PHACTR1: variants seen among roughly 807,000 people sequenced by gnomAD.
The protein encoded by PHACTR1 is phosphatase and actin regulator 1.
A neutral mutation model predicts 69.2 loss-of-function variants in PHACTR1; 16 were observed. The ratio of observed to expected loss-of-function variants is 0.23; its 90% confidence interval spans 0.16 to 0.35. The LOEUF is 0.35. PHACTR1 is among the 10% of genes least tolerant of loss of function. The pLI, the probability that PHACTR1 is intolerant of heterozygous loss-of-function variation, is 1.00. For synonymous variants in PHACTR1, 312 were observed against 284.5 expected, an observed-to-expected ratio of 1.10 and a Z score of -0.97; for missense variants, 510 against 734.7, an observed-to-expected ratio of 0.69 and a Z score of 3.54.
intron 6 of PHACTR1, among the ~76,000 whole-genome samples, chr6:13,175,305 C>T (rs965957189): frequency 2.6e-5 from 4 of 152,128 alleles, no homozygotes; most frequent in East Asian, 1.9e-4. Context: ...TGGGTGGGGG[C>T]GCTTTTTCTC....
At chr6:13,194,653 A>T (rs1252157023) in intron 7 of PHACTR1, among the ~76,000 whole-genome samples, 1 of 152,202 alleles carries the variant, frequency 6.6e-6, no homozygotes, top group South Asian at 2.1e-4. Context: ...AGAAGATTTT[A>T]AATGTTTTCA....
intron 4 of PHACTR1, among the ~76,000 whole-genome samples, chr6:12,760,069 G>A (rs1767857192): frequency 6.6e-6 from 1 of 152,232 alleles, no homozygotes; most frequent in Admixed American, 6.5e-5. Flanking sequence ...CACATAGTGA[G>A]TGTTTGTTAG....
chr6:12,790,713 TAAGGA>T (rs1248441942), intron 4 of PHACTR1, among the ~76,000 whole-genome samples: 1 of 152,158 alleles, frequency 6.6e-6, no homozygotes, highest in African/African-American at 2.4e-5. Context: ...CAGAGAATCT[TAAGGA>T]AAGTGAAGAA....
chr6:13,052,211 C>T (rs1305814661), intron 4 of PHACTR1, among the ~76,000 whole-genome samples: 1 of 152,218 alleles, frequency 6.6e-6, no homozygotes, highest in African/African-American at 2.4e-5. Flanking sequence ...ACATCTGTCA[C>T]CAATACAACT....
intron 10 of PHACTR1, among the ~76,000 whole-genome samples, chr6:13,231,147 G>GAAGGAAAGAGAAAGA (rs1770995208): frequency 7.0e-6 from 1 of 142,104 alleles, no homozygotes; most frequent in Non-Finnish European, 1.5e-5. Flanking sequence ...GAGAAAGAAA[G>GAAGGAAAGAGAAAGA]AAGGAAAGAG....
chr6:13,224,208 C>T (rs1769181900), intron 8 of PHACTR1, among the ~76,000 whole-genome samples: 1 of 152,212 alleles, frequency 6.6e-6, no homozygotes, highest in South Asian at 2.1e-4. Context: ...AAGGAGCCTA[C>T]AGCCTTGGGT....
At chr6:12,872,312 AT>A (rs1378838338) in intron 4 of PHACTR1, among the ~76,000 whole-genome samples, 2 of 152,228 alleles carry the variant, frequency 1.3e-5, no homozygotes, top group African/African-American at 4.8e-5. Flanking sequence ...ATGAAAAAAA[AT>A]AAACTTGGAA....
intron 10 of PHACTR1, chr6:13,230,483 T>C: frequency 7.1e-6 from 3 of 421,826 alleles, no homozygotes; most frequent in Non-Finnish European, 1.2e-5. Flanking sequence ...GAGGTGTAGG[T>C]TCCAGTGAGC....
chr6:13,047,531 A>C (rs769857036), intron 4 of PHACTR1, among the ~76,000 whole-genome samples: 2 of 152,096 alleles, frequency 1.3e-5, no homozygotes, highest in Non-Finnish European at 2.9e-5. Context: ...GCAAAAGCGA[A>C]GGTTATCAGA....
intron 4 of PHACTR1, among the ~76,000 whole-genome samples, chr6:13,019,079 TTC>T: frequency 6.7e-6 from 1 of 149,460 alleles, no homozygotes; most frequent in Non-Finnish European, 1.5e-5. Context: ...TATATATTTT[TTC>T]TTTTTCTTTT....
intron 4 of PHACTR1, among the ~76,000 whole-genome samples, chr6:12,975,377 G>T (rs1217887967): frequency 2.6e-5 from 4 of 152,076 alleles, no homozygotes; most frequent in Admixed American, 6.6e-5. Context: ...ATAAATTATG[G>T]CTGCTCTGTA....
intron 5 of PHACTR1, among the ~76,000 whole-genome samples, chr6:13,137,156 T>G (rs1397175800): frequency 6.6e-6 from 1 of 152,212 alleles, no homozygotes; most frequent in African/African-American, 2.4e-5. Context: ...AAAAGCTATG[T>G]TTGGAGAGCA....
intron 4 of PHACTR1, among the ~76,000 whole-genome samples, chr6:13,013,646 G>A (rs570778379): frequency 1.7e-4 from 26 of 152,204 alleles, no homozygotes; most frequent in African/African-American, 6.3e-4. Context: ...AGCTTCTCAG[G>A]TAGGACCCAG....
intron 4 of PHACTR1, among the ~76,000 whole-genome samples, chr6:12,751,699 G>C (rs73358046): frequency 0.024 from 3,661 of 152,222 alleles, 150 homozygotes; most frequent in African/African-American, 0.082. Flanking sequence ...TTAAAGATTG[G>C]CTCAGACAGG....
At chr6:13,149,831 A>T (rs1214244567) in intron 5 of PHACTR1, among the ~76,000 whole-genome samples, 9 of 145,832 alleles carry the variant, frequency 6.2e-5, no homozygotes, top group Admixed American at 6.1e-4. Context: ...TTTTTTTGCG[A>T]TTTTTTTTTT....
At chr6:13,167,144 G>A (rs1759923526) in intron 6 of PHACTR1, among the ~76,000 whole-genome samples, 1 of 152,154 alleles carries the variant, frequency 6.6e-6, no homozygotes, top group Non-Finnish European at 1.5e-5. Context: ...GAGATCATAT[G>A]TTCTTCATGT....
At chr6:13,152,191 A>G (rs1052107393) in intron 5 of PHACTR1, among the ~76,000 whole-genome samples, 7 of 152,056 alleles carry the variant, frequency 4.6e-5, no homozygotes, top group Non-Finnish European at 1.5e-5. Flanking sequence ...AAAATTAGCC[A>G]GGCGTGGTGG....
At chr6:12,894,601 T>C (rs1402693630) in intron 4 of PHACTR1, among the ~76,000 whole-genome samples, 1 of 152,154 alleles carries the variant, frequency 6.6e-6, no homozygotes, top group Admixed American at 6.5e-5. Context: ...CAAGACTCCT[T>C]CTGAAAAAAG....
At chr6:13,184,286 G>A (rs374541478) in intron 7 of PHACTR1, among the ~76,000 whole-genome samples, 10 of 152,142 alleles carry the variant, frequency 6.6e-5, no homozygotes, top group African/African-American at 2.2e-4. Flanking sequence ...GAGACAGAGC[G>A]GACCCAGTGG....
Sources: gnomAD v4.1 joint callset for allele counts (sites outside exome capture counted in the v4.1 genomes callset) on GRCh38, gnomAD v4.1.1 for gene constraint, MANE v1.5 for transcripts, NCBI Gene and HGNC (gene_info 2026-07-23, HGNC 2026-07-21) for gene names.